The following TMEM65 variants were observed in gnomAD, a reference collection of about 807,000 sequenced individuals.
TMEM65 encodes the protein transmembrane protein 65.
In TMEM65, 22 loss-of-function variants were observed where a neutral mutation model predicts 25.4. That is an observed-to-expected ratio of 0.86 (90% CI 0.62 to 1.23). The LOEUF is 1.23. Ranked by LOEUF, TMEM65 falls within the 50% of genes most tolerant of loss-of-function variation. TMEM65 has a pLI of 0.00. For synonymous variants in TMEM65, 132 were observed against 126.2 expected, an observed-to-expected ratio of 1.05 and a Z score of -0.31; for missense variants, 262 against 308.2, an observed-to-expected ratio of 0.85 and a Z score of 1.12.
At position 124,372,683 on chromosome 8, in the gene TMEM65, C is replaced by T. The variant is rs1384409588; in HGVS notation, c.-526G>A. On this transcript the variant is annotated 5_prime_UTR_variant, in exon 1 of 7. Coordinates refer to ENST00000297632, the MANE Select transcript of TMEM65 (RefSeq NM_194291.3). ...CCGCAGCCGCCGCCGCCGCCGCTACCCCTAGCGGCAGCAGAAGTGGGAACG... is the reference window on the plus strand; with the variant it reads ...CCGCAGCCGCCGCCGCCGCCGCTACTCCTAGCGGCAGCAGAAGTGGGAACG... 1 of 158,746 alleles carries T rather than the reference C, an allele frequency of 6.3e-6. No individual in the cohort carries two copies. Among genetic ancestry groups the T allele is most frequent in the Non-Finnish European group, 1.4e-5 (1 of 73,300 alleles). The allele number at this position is 158,746 out of a possible 1,614,324, so 9.8% of individuals were successfully genotyped here.
At chr8:124,350,314 C>T (rs1040630353) in intron 1 of TMEM65, among the ~76,000 whole-genome samples, 1 of 152,100 alleles carries the variant, frequency 6.6e-6, no homozygotes, top group African/African-American at 2.4e-5. Context: ...CCCTTTCATA[C>T]ACTGTGTTAT....
intron 2 of TMEM65, among the ~76,000 whole-genome samples, chr8:124,328,689 A>G (rs1324775429): frequency 6.6e-6 from 1 of 152,126 alleles, no homozygotes; most frequent in Non-Finnish European, 1.5e-5. Context: ...CATCCGTTCA[A>G]CTGAGGACTT....
rs113689254 is a variant in TMEM65, at chr8:124,343,688, G to A, written c.305-12896C>T. Among the ~76,000 whole-genome samples the A allele has an allele frequency of 4.0e-3, 609 of 152,106 alleles. 5 individuals carry two copies. The highest frequency in any genetic ancestry group is 0.014 in the African/African-American group (571 of 41,460). ...TTTACCCAGAAGCAGATGGCATCCTGGATGTGAACAGCTTTCCCAAGATTA... is the reference window on the plus strand; with the variant it reads ...TTTACCCAGAAGCAGATGGCATCCTAGATGTGAACAGCTTTCCCAAGATTA... On this transcript the variant is annotated intron_variant, in intron 1 of 6. Transcript: ENST00000297632.
At position 124,308,191 on chromosome 8, in the gene TMEM65, T is replaced by G. The variant is rs140141452; in HGVS notation, c.*5769A>C. 2.6e-5 allele frequency: 4 copies of G among 152,178 alleles called. No homozygotes were observed. Among genetic ancestry groups the G allele is most frequent in the African/African-American group, 9.7e-5 (4 of 41,430 alleles). 9.4% of individuals were successfully genotyped at this position (152,178 alleles called of 1,614,324 possible). On this transcript the variant is annotated 3_prime_UTR_variant, in exon 7 of 7. Coordinates refer to ENST00000297632, the MANE Select transcript of TMEM65 (RefSeq NM_194291.3). ...TAAAGGACTGCCTTTTAAAGTTGTT[T>G]TGATACTGGACAATGCCCCTGGCCA...
At chr8:124,367,170 T>C (rs1039824397) in intron 1 of TMEM65, among the ~76,000 whole-genome samples, 1 of 152,226 alleles carries the variant, frequency 6.6e-6, no homozygotes, top group African/African-American at 2.4e-5. Flanking sequence ...CAGAGGCTCA[T>C]AGCTTAAAAT....
In TMEM65 at chr8:124,307,470, T is replaced by C. The variant is rs1814105722; in HGVS notation, c.*6490A>G. 1.3e-5 allele frequency: 2 copies of C among 152,054 alleles called. No homozygotes were observed. The highest frequency in any genetic ancestry group is 4.1e-4 in the South Asian group (2 of 4,820). 9.4% of individuals were successfully genotyped at this position (152,054 alleles called of 1,614,324 possible). A position where few individuals can be genotyped will look rare whatever the true frequency, so the allele number is the denominator to read the frequency against. On this transcript the variant is annotated 3_prime_UTR_variant, in exon 7 of 7. Coordinates refer to ENST00000297632, the MANE Select transcript of TMEM65 (RefSeq NM_194291.3). ...CCACTGTTAAAAAAAATTAAGAAAA[T>C]TTATGAAGCCATTACTGCATCTATA...
chr8:124,325,274 G>T (rs147448482), intron 3 of TMEM65, among the ~76,000 whole-genome samples: 1 of 151,952 alleles, frequency 6.6e-6, no homozygotes, highest in Non-Finnish European at 1.5e-5. Context: ...AATGAGAGGG[G>T]TTGATCAGTA....
At chr8:124,367,246 G>A (rs982564834) in intron 1 of TMEM65, among the ~76,000 whole-genome samples, 20 of 152,060 alleles carry the variant, frequency 1.3e-4, no homozygotes, top group African/African-American at 3.9e-4. Flanking sequence ...GGCTAAGCTC[G>A]GTGGATCACC....
At chr8:124,371,109 C>G (rs1197279502) in intron 1 of TMEM65, among the ~76,000 whole-genome samples, 1 of 152,160 alleles carries the variant, frequency 6.6e-6, no homozygotes, top group Non-Finnish European at 1.5e-5. Context: ...GTTTTGCTTT[C>G]ATCATTCCCA....
At position 124,371,962 on chromosome 8, in the gene TMEM65, G is replaced by A; in HGVS notation, c.196C>T (p.Leu66=). The change falls in exon 1 of 7, where the codon CTG becomes TTG. Residue 66 remains leucine, a synonymous_variant. Transcript: ENST00000297632. ...THPKKEPMEA[L]NTAQGARDFI... ...TCGCGCGCGCCCTGCGCCGTGTTCA[G>A]CGCCTCCATGGGCTCCTTCTTGGGG... 6.7e-7 allele frequency: 1 copy of A among 1,503,554 alleles called. No individual in the cohort carries two copies. The allele number at this position is 1,503,554 out of a possible 1,614,324, so 93.1% of individuals were successfully genotyped here.
chr8:124,321,785 C>A (rs1814306493), intron 5 of TMEM65, among the ~76,000 whole-genome samples: 1 of 152,022 alleles, frequency 6.6e-6, no homozygotes, highest in African/African-American at 2.4e-5. Context: ...ACACAAATTC[C>A]ATTTTGCTTA....
intron 1 of TMEM65, among the ~76,000 whole-genome samples, chr8:124,354,641 C>T (rs1362921588): frequency 2.0e-5 from 3 of 152,182 alleles, no homozygotes; most frequent in African/African-American, 4.8e-5. Flanking sequence ...CCAGACAACA[C>T]AAAAGTGTCA....
rs59243626 is a variant in TMEM65, at chr8:124,362,662, C to CA, written c.304+9191dup. Among the ~76,000 whole-genome samples, 120 of 98,196 alleles carry CA rather than the reference C, an allele frequency of 1.2e-3. 1 individual carries two copies. Among genetic ancestry groups the CA allele is most frequent in the African/African-American group, 3.6e-3 (83 of 23,140 alleles). 64.4% of individuals were successfully genotyped at this position (98,196 alleles called of 152,430 possible). ...TGGTGATAGAGCAAGACTCTTGTCTCAAAAAAAAAAAATAGAAAAAATGCT... is the reference window on the plus strand; with the variant it reads ...TGGTGATAGAGCAAGACTCTTGTCTCAAAAAAAAAAAAATAGAAAAAATGCT... On this transcript the variant is annotated intron_variant, in intron 1 of 6. Transcript: ENST00000297632.
chr8:124,371,595 G>A (rs1815012269), intron 1 of TMEM65, among the ~76,000 whole-genome samples: 1 of 152,248 alleles, frequency 6.6e-6, no homozygotes, highest in African/African-American at 2.4e-5. Context: ...CGGATTCGGA[G>A]GCTGGGGAGG....
chr8:124,359,318 A>G (rs1185896034), intron 1 of TMEM65, among the ~76,000 whole-genome samples: 2 of 152,234 alleles, frequency 1.3e-5, no homozygotes, highest in Admixed American at 6.5e-5. Flanking sequence ...TGGAAGCAGC[A>G]AACACTTAAA....
chr8:124,352,832 C>G, intron 1 of TMEM65, among the ~76,000 whole-genome samples: 1 of 152,048 alleles, frequency 6.6e-6, no homozygotes, highest in South Asian at 2.1e-4. Flanking sequence ...TATAAGGTGT[C>G]AGAACCCAGT....
chr8:124,345,711 T>C (rs1279098789), intron 1 of TMEM65, among the ~76,000 whole-genome samples: 1 of 151,552 alleles, frequency 6.6e-6, no homozygotes, highest in Non-Finnish European at 1.5e-5. Flanking sequence ...TGAGACTGGG[T>C]AATTTATAAA....
chr8:124,368,106 T>C (rs1471781136), intron 1 of TMEM65, among the ~76,000 whole-genome samples: 1 of 151,100 alleles, frequency 6.6e-6, no homozygotes, highest in Non-Finnish European at 1.5e-5. Context: ...CCTTAAATAA[T>C]GTGGAAGCCA....
chr8:124,340,592 G>A (rs771816093), intron 1 of TMEM65, among the ~76,000 whole-genome samples: 13 of 152,108 alleles, frequency 8.5e-5, no homozygotes, highest in Non-Finnish European at 5.9e-5. Context: ...ATAAACTTAT[G>A]TTATCTCTAC....
Sources: gnomAD v4.1 joint callset for allele counts (sites outside exome capture counted in the v4.1 genomes callset) on GRCh38, gnomAD v4.1.1 for gene constraint, MANE v1.5 for transcripts, NCBI Gene and HGNC (gene_info 2026-07-23, HGNC 2026-07-21) for gene names.